Variants in USO1 observed in about 807,000 individuals in gnomAD.
USO1 encodes the protein general vesicular transport factor p115.
A neutral mutation model predicts 124.5 loss-of-function variants in USO1; 57 were observed. The observed-to-expected ratio is 0.46, with a 90% CI of 0.37 to 0.57. The LOEUF (loss-of-function observed/expected upper bound fraction) is 0.57. USO1 is among the 20% of genes least tolerant of loss of function. The probability of loss-of-function intolerance (pLI) is 0.00; values close to 1 mark genes in which losing one functional copy is unlikely to be tolerated. For missense variants in USO1, 900 were observed against 1,040.6 expected, an observed-to-expected ratio of 0.86 and a Z score of 1.86; for synonymous variants, 369 against 362.8, an observed-to-expected ratio of 1.02 and a Z score of -0.19.
intron 13 of USO1, among the ~76,000 whole-genome samples, chr4:75,795,722 G>A (rs529528175): frequency 2.2e-3 from 342 of 152,034 alleles, no homozygotes; most frequent in Admixed American, 4.3e-3. Flanking sequence ...TAAGAATTTT[G>A]TCTTTAATTA....
chr4:75,784,164 G>A (rs962884284), intron 9 of USO1, among the ~76,000 whole-genome samples: 1 of 152,180 alleles, frequency 6.6e-6, no homozygotes, highest in Admixed American at 6.5e-5. Context: ...GGGACTACAG[G>A]CGCAAGCCAC....
chr4:75,771,094 T>G lies in USO1; in HGVS notation c.512T>G (p.Leu171Trp). 6.2e-7 allele frequency: 1 copy of G among 1,611,900 alleles called. No individual in the cohort carries two copies. The highest frequency in any genetic ancestry group is 8.5e-7 in the Non-Finnish European group (1 of 1,179,288). The change falls in exon 7 of 24, where the codon TTG becomes TGG. Residue 171 changes from leucine to tryptophan, a missense_variant. Leu to Trp is a moderately conservative substitution (Grantham distance 61). Coordinates refer to ENST00000514213, the MANE Select transcript of USO1 (RefSeq NM_003715.4). ...TTGTATGTTCTAGGTGTTTCAAGAT[T>G]GATGGACTTACTAGCGGATTCCAGG... is the stretch of plus-strand genomic sequence containing the variant. The part of the protein sequence containing the change: ...ILVSPMGVSR[L>W]MDLLADSREV...
intron 1 of USO1, among the ~76,000 whole-genome samples, chr4:75,742,600 A>G (rs981581185): frequency 6.6e-5 from 10 of 152,226 alleles, no homozygotes; most frequent in Non-Finnish European, 1.5e-4. Flanking sequence ...CAAGTACAGA[A>G]TGGTTGAAAT....
intron 1 of USO1, among the ~76,000 whole-genome samples, chr4:75,738,364 G>C (rs904602926): frequency 6.6e-6 from 1 of 151,972 alleles, no homozygotes; most frequent in African/African-American, 2.4e-5. Context: ...GGCTGAGGCA[G>C]GAGGATTGCT....
chr4:75,770,312 C>T, intron 4 of USO1, 127 bp from the exon 5 acceptor site: 1 of 769,538 alleles, frequency 1.3e-6, no homozygotes, highest in Non-Finnish European at 1.9e-6. Flanking sequence ...ATATTGCTAC[C>T]AGCCACACTG....
At chr4:75,733,355 A>G (rs1720693965) in intron 1 of USO1, among the ~76,000 whole-genome samples, 1 of 152,240 alleles carries the variant, frequency 6.6e-6, no homozygotes, top group Non-Finnish European at 1.5e-5. Flanking sequence ...GTCGAATGGT[A>G]GTTCTGTTTT....
chr4:75,746,751 C>T (rs1442648083), intron 1 of USO1, among the ~76,000 whole-genome samples: 1 of 152,158 alleles, frequency 6.6e-6, no homozygotes, highest in African/African-American at 2.4e-5. Context: ...GTATAAGTTG[C>T]ATAGTCCGTG....
chr4:75,800,918 T>C, intron 16 of USO1, 119 bp downstream of exon 16: 2 of 1,441,508 alleles, frequency 1.4e-6, no homozygotes, highest in South Asian at 1.5e-5. Context: ...TCTTCCTAGC[T>C]CTTGATCTGT....
intron 17 of USO1, among the ~76,000 whole-genome samples, chr4:75,803,429 C>G (rs1425733564): frequency 6.6e-6 from 1 of 151,956 alleles, no homozygotes; most frequent in Admixed American, 6.6e-5. Flanking sequence ...CGGTGGATCA[C>G]CTGAGGTCAG....
At chr4:75,763,290 C>T (rs770776289) in intron 4 of USO1, among the ~76,000 whole-genome samples, 1 of 152,148 alleles carries the variant, frequency 6.6e-6, no homozygotes, top group Non-Finnish European at 1.5e-5. Flanking sequence ...TTTTGATTTA[C>T]GATGGTGTGA....
chr4:75,773,999 A>G (rs1722005044), intron 7 of USO1, among the ~76,000 whole-genome samples: 1 of 152,206 alleles, frequency 6.6e-6, no homozygotes, highest in South Asian at 2.1e-4. Context: ...TAATACCAAA[A>G]TAAGCAAAAA....
intron 13 of USO1, among the ~76,000 whole-genome samples, chr4:75,794,289 AG>A (rs1178811763): frequency 4.6e-5 from 7 of 152,328 alleles, no homozygotes; most frequent in Admixed American, 3.9e-4. Context: ...CTCTTCCCAA[AG>A]CAATTGATCA....
At chr4:75,782,913 A>G in intron 9 of USO1, 55 bp downstream of exon 9, 1 of 1,496,768 alleles carries the variant, frequency 6.7e-7, no homozygotes, top group Non-Finnish European at 8.8e-7. Flanking sequence ...ATCTTTTCAA[A>G]GAGAAGAAAA....
intron 1 of USO1, among the ~76,000 whole-genome samples, chr4:75,732,062 T>C (rs1410384175): frequency 6.6e-6 from 1 of 152,216 alleles, no homozygotes; most frequent in African/African-American, 2.4e-5. Context: ...AGTTGTTACA[T>C]GGGTAAATTG....
chr4:75,765,397 G>C (rs1375881729), intron 4 of USO1, among the ~76,000 whole-genome samples: 3 of 152,086 alleles, frequency 2.0e-5, no homozygotes, highest in Non-Finnish European at 4.4e-5. Context: ...AACAAGGTAG[G>C]CTCATTAGCC....
At chr4:75,807,965 C>T (rs184330842) in intron 20 of USO1, among the ~76,000 whole-genome samples, 2 of 151,958 alleles carry the variant, frequency 1.3e-5, no homozygotes, top group Admixed American at 1.3e-4. Context: ...AACTGTAACT[C>T]ATTTTAATAA....
chr4:75,813,924 C>G lies in USO1; in HGVS notation c.*629C>G, dbSNP rs866265807. 5.9e-5 allele frequency: 9 copies of G among 152,152 alleles called. No individual in the cohort carries two copies. The highest frequency in any genetic ancestry group is 6.5e-5 in the Admixed American group (1 of 15,272). 9.4% of individuals were successfully genotyped at this position (152,152 alleles called of 1,614,324 possible). ...GACACACAGTGATGTGGAGGGCATT[C>G]CGGAGAAACTTTTGCAACAGTGTAT... is the stretch of plus-strand genomic sequence containing the variant. On this transcript the variant is annotated 3_prime_UTR_variant, in exon 24 of 24. Transcript: ENST00000514213.
In USO1 at chr4:75,724,743, A is replaced by C; in HGVS notation, c.-77A>C. 2.0e-6 allele frequency: 3 copies of C among 1,497,032 alleles called. No homozygotes were observed. Among genetic ancestry groups the C allele is most frequent in the Non-Finnish European group, 2.8e-6 (3 of 1,085,968 alleles). 92.7% of individuals were successfully genotyped at this position (1,497,032 alleles called of 1,614,324 possible). On this transcript the variant is annotated 5_prime_UTR_variant, in exon 1 of 24. Coordinates refer to ENST00000514213, the MANE Select transcript of USO1 (RefSeq NM_003715.4). ...TGTGTAGAGTGCGGGATTGGGGCCC[A>C]GGCCCTGCGGAGGGCGGGGGAAGTT...
intron 1 of USO1, among the ~76,000 whole-genome samples, chr4:75,736,390 C>G (rs922743487): frequency 7.9e-6 from 1 of 126,112 alleles, no homozygotes; most frequent in African/African-American, 3.0e-5. Flanking sequence ...TCACTGGGTT[C>G]TCAGCTCACC....
Sources: allele counts gnomAD v4.1 joint callset (sites outside exome capture counted in the v4.1 genomes callset), GRCh38; gene constraint gnomAD v4.1.1; transcripts MANE v1.5; gene names NCBI Gene and HGNC (gene_info 2026-07-23, HGNC 2026-07-21).